The following CCSER2 variants were observed in gnomAD, a reference collection of about 807,000 sequenced individuals.
CCSER2 encodes serine-rich coiled-coil domain-containing protein 2.
A neutral mutation model predicts 92.3 loss-of-function variants in CCSER2; 46 were observed. That is an observed-to-expected ratio of 0.50 (90% CI 0.39 to 0.64). The LOEUF (loss-of-function observed/expected upper bound fraction) is 0.64. CCSER2 is among the 30% of genes least tolerant of loss of function. The pLI is 0.00. For synonymous variants in CCSER2, 433 were observed against 431.4 expected (o/e 1.00, Z -0.04); for missense variants, 1,244 against 1,238.9 (o/e 1.00, Z -0.06).
intron 3 of CCSER2, among the ~76,000 whole-genome samples, chr10:84,403,636 C>T (rs1842232479): frequency 6.6e-6 from 1 of 152,080 alleles, no homozygotes; most frequent in East Asian, 1.9e-4. Context: ...TTTGACATTT[C>T]ACCAAAGAGG....
At position 84,371,687 on chromosome 10, in the gene CCSER2, C is replaced by T; in HGVS notation, c.635C>T (p.Ser212Phe). ...GCTCAATCCCCAGACAGTAGTAAAT[C>T]TATTAATTGTGAAAAAATGGTAAGG... is the stretch of plus-strand genomic sequence containing the variant. The part of the protein sequence containing the change: ...SLAQSPDSSK[S>F]INCEKMVRSQ... Residue 212 changes from serine (S) to phenylalanine (F), a missense_variant, in exon 2 of 10, where the codon TCT (serine) becomes TTT (phenylalanine). Physicochemically the swap from Ser to Phe is radical, Grantham distance 155 (BLOSUM62 -2). Coordinates refer to ENST00000372088, the MANE Select transcript of CCSER2 (RefSeq NM_001284240.2). 6 of 1,613,720 alleles carry T rather than the reference C, an allele frequency of 3.7e-6. No homozygotes were observed. Among genetic ancestry groups the T allele is most frequent in the Non-Finnish European group, 3.4e-6 (4 of 1,179,874 alleles).
At chr10:84,386,642 C>T (rs564349512) in intron 3 of CCSER2, among the ~76,000 whole-genome samples, 14 of 152,282 alleles carry the variant, frequency 9.2e-5, no homozygotes, top group Admixed American at 6.5e-4. Flanking sequence ...TCACTCGAAC[C>T]CAGGCAGAGG....
intron 3 of CCSER2, among the ~76,000 whole-genome samples, chr10:84,398,054 CCT>C (rs938481731): frequency 2.0e-5 from 3 of 152,146 alleles, no homozygotes; most frequent in Non-Finnish European, 4.4e-5. Context: ...ATCTTACTAT[CCT>C]CTCTAGCTTA....
At chr10:84,393,496 A>T (rs1841646706) in intron 3 of CCSER2, among the ~76,000 whole-genome samples, 1 of 152,080 alleles carries the variant, frequency 6.6e-6, no homozygotes, top group African/African-American at 2.4e-5. Flanking sequence ...CATGATCTTA[A>T]AGATATGTTT....
At position 84,436,325 on chromosome 10, in the gene CCSER2, C is replaced by CAAAAAAAAAAAAA. The variant is rs1160681619; in HGVS notation, c.1869-2171_1869-2159dup. Among the ~76,000 whole-genome samples the CAAAAAAAAAAAAA allele has an allele frequency of 1.4e-4, 2 of 14,340 alleles. 1 individual carries two copies. The highest frequency in any genetic ancestry group is 8.5e-4 in the African/African-American group (2 of 2,340). The allele number at this position is 14,340 out of a possible 152,430, so 9.4% of individuals were successfully genotyped here. A position where few individuals can be genotyped will look rare whatever the true frequency, so the allele number is the denominator to read the frequency against. Reference sequence around the variant, plus strand: ...TGGGCGACAGAGCGAGACTCCGTCTCAAAAAAAAAAAAAAAAAAAAAAAAA... The same window carrying CAAAAAAAAAAAAA: ...TGGGCGACAGAGCGAGACTCCGTCTCAAAAAAAAAAAAAAAAAAAAAAAAAAAAAAAAAAAAAA... On this transcript the variant is annotated intron_variant, in intron 5 of 9. Transcript: ENST00000372088.
intron 3 of CCSER2, among the ~76,000 whole-genome samples, chr10:84,398,238 T>C (rs956138860): frequency 1.3e-5 from 2 of 152,208 alleles, no homozygotes; most frequent in African/African-American, 4.8e-5. Context: ...CGCACCTCTT[T>C]GACCATTCTC....
chr10:84,353,007 G>A (rs1844949145), intron 1 of CCSER2, among the ~76,000 whole-genome samples: 1 of 152,116 alleles, frequency 6.6e-6, no homozygotes, highest in African/African-American at 2.4e-5. Context: ...GGCCAGGCTG[G>A]TCTCGAACTC....
intron 5 of CCSER2, among the ~76,000 whole-genome samples, chr10:84,430,709 G>A (rs957853166): frequency 3.9e-5 from 6 of 152,232 alleles, no homozygotes; most frequent in African/African-American, 1.4e-4. Context: ...GGAGATGGGT[G>A]TGGCTATTGG....
At chr10:84,430,593 G>A (rs1279536450) in intron 5 of CCSER2, among the ~76,000 whole-genome samples, 1 of 152,074 alleles carries the variant, frequency 6.6e-6, no homozygotes, top group Admixed American at 6.5e-5. Context: ...GGTGCTTTTT[G>A]GAGAGTTCTA....
chr10:84,455,203 CTT>C (rs1246571785), intron 6 of CCSER2: 1 of 172,514 alleles, frequency 5.8e-6, no homozygotes, highest in Non-Finnish European at 1.3e-5. Context: ...GAACAGCAGT[CTT>C]TTTCAACCTG....
chr10:84,405,404 G>A (rs1452634578), intron 3 of CCSER2, among the ~76,000 whole-genome samples: 1 of 150,916 alleles, frequency 6.6e-6, no homozygotes, highest in Non-Finnish European at 1.5e-5. Context: ...TGGAGATTAG[G>A]TGAAAAGTTA....
At chr10:84,417,008 A>G (rs1589604752) in intron 3 of CCSER2, among the ~76,000 whole-genome samples, 1 of 152,204 alleles carries the variant, frequency 6.6e-6, no homozygotes, top group South Asian at 2.1e-4. Flanking sequence ...TTACTTGTAT[A>G]TACTAAGGAA....
chr10:84,433,236 G>A (rs970358535), intron 5 of CCSER2, among the ~76,000 whole-genome samples: 6 of 152,136 alleles, frequency 3.9e-5, no homozygotes, highest in African/African-American at 9.7e-5. Context: ...TCACCTTGCC[G>A]ATATCCTCAA....
chr10:84,438,795 G>T (rs911989484), intron 6 of CCSER2, 88 bp downstream of exon 6: 3 of 761,218 alleles, frequency 3.9e-6, no homozygotes, highest in African/African-American at 1.8e-5. Flanking sequence ...TACTTACTGG[G>T]TTTCTCATGT....
chr10:84,407,128 T>G (rs1211917178), intron 3 of CCSER2, among the ~76,000 whole-genome samples: 2 of 152,188 alleles, frequency 1.3e-5, no homozygotes, highest in Non-Finnish European at 2.9e-5. Flanking sequence ...ACAATTTAAA[T>G]CTCTTTGCTT....
intron 3 of CCSER2, among the ~76,000 whole-genome samples, chr10:84,392,412 A>G (rs1483672748): frequency 1.3e-5 from 2 of 152,070 alleles, no homozygotes; most frequent in South Asian, 2.1e-4. Context: ...CAGGAACCAT[A>G]TAAATGATGC....
intron 3 of CCSER2, among the ~76,000 whole-genome samples, chr10:84,405,133 A>G (rs1302480822): frequency 6.6e-6 from 1 of 152,202 alleles, no homozygotes; most frequent in Non-Finnish European, 1.5e-5. Flanking sequence ...AGGTAAATCA[A>G]TGGAACGTAA....
intron 1 of CCSER2, among the ~76,000 whole-genome samples, chr10:84,367,895 G>C (rs1161610108): frequency 6.6e-6 from 1 of 151,770 alleles, no homozygotes; most frequent in Non-Finnish European, 1.5e-5. Flanking sequence ...ATTTCTTTTT[G>C]TCTTGCTCAG....
chr10:84,358,660 A>G (rs1380584907), intron 1 of CCSER2, among the ~76,000 whole-genome samples: 1 of 147,672 alleles, frequency 6.8e-6, no homozygotes, highest in Non-Finnish European at 1.5e-5. Context: ...ATATATATAT[A>G]CATATACATA....
Sources: allele counts gnomAD v4.1 joint callset (sites outside exome capture counted in the v4.1 genomes callset), GRCh38; gene constraint gnomAD v4.1.1; transcripts MANE v1.5; gene names NCBI Gene and HGNC (gene_info 2026-07-23, HGNC 2026-07-21).